Variants in CCDC125 observed in about 807,000 individuals in gnomAD.
CCDC125 encodes coiled-coil domain-containing protein 125.
A neutral mutation model predicts 57.4 loss-of-function variants in CCDC125; 43 were observed. The observed-to-expected ratio is 0.75, with a 90% CI of 0.59 to 0.97. The LOEUF (loss-of-function observed/expected upper bound fraction) is 0.97. Ranked by LOEUF, CCDC125 falls within the 50% of genes least tolerant of loss-of-function variation. The probability of loss-of-function intolerance (pLI) is 0.00; values close to 1 mark genes in which losing one functional copy is unlikely to be tolerated. For synonymous variants in CCDC125, 187 were observed against 195.2 expected (o/e 0.96, Z 0.35); for missense variants, 563 against 595.7 (o/e 0.95, Z 0.57).
chr5:69,299,885 GTC>G, intron 8 of CCDC125, 125 bp downstream of exon 8: 1 of 748,164 alleles, frequency 1.3e-6, no homozygotes. Flanking sequence ...GCCCAGGGGC[GTC>G]TCTCACTCCC....
chr5:69,320,794 T>TGTGTGCGTGTGTGTGCGTGTGC (rs1759909828), intron 1 of CCDC125, among the ~76,000 whole-genome samples: 1 of 152,000 alleles, frequency 6.6e-6, no homozygotes, highest in African/African-American at 2.4e-5. Flanking sequence ...GGGGTGTGTG[T>TGTGTGCGTGTGTGTGCGTGTGC]GTGTGTGTGT....
Position 69,282,670 on chromosome 5 carries a change from C to T in CCDC125, c.*59G>A. ...CAAGATGCAGCAAAATTTACAAAAT[C>T]ATTTTTCAAAGTATCTCGATATAAA... is the stretch of plus-strand genomic sequence containing the variant. On this transcript the variant is annotated 3_prime_UTR_variant, in exon 12 of 12. Transcript: ENST00000396496. The T allele has an allele frequency of 1.4e-6, 2 of 1,404,614 alleles. No individual in the cohort carries two copies. The highest frequency in any genetic ancestry group is 1.9e-6 in the Non-Finnish European group (2 of 1,045,236). 87.0% of individuals were successfully genotyped at this position (1,404,614 alleles called of 1,614,324 possible).
chr5:69,278,532 A>G (rs1215087265), downstream of CCDC125, among the ~76,000 whole-genome samples: 1 of 151,430 alleles, frequency 6.6e-6, no homozygotes, highest in Non-Finnish European at 1.5e-5. Flanking sequence ...CTTTATTTCT[A>G]TTTTTTCCTT....
chr5:69,308,284 A>G lies in CCDC125; in HGVS notation c.454-256T>C, dbSNP rs1561454495. The G allele has an allele frequency of 1.0e-5, 5 of 477,864 alleles. No individual in the cohort carries two copies. In the Admixed American group the frequency reaches 1.7e-4, roughly 16 times the overall value. 29.6% of individuals were successfully genotyped at this position (477,864 alleles called of 1,614,324 possible). A position where few individuals can be genotyped will look rare whatever the true frequency, so the allele number is the denominator to read the frequency against. ...AGTGTTCAGAACAGTACTATTCATCAGTCAAAAAGTGGAAACCATCTGATA... is the reference window on the plus strand; with the variant it reads ...AGTGTTCAGAACAGTACTATTCATCGGTCAAAAAGTGGAAACCATCTGATA... On this transcript the variant is annotated intron_variant, in intron 4 of 11. Coordinates refer to ENST00000396496, the MANE Select transcript of CCDC125 (RefSeq NM_176816.5).
At chr5:69,275,901 A>G (rs1235102032), downstream of CCDC125, among the ~76,000 whole-genome samples, 1 of 152,220 alleles carries the variant, frequency 6.6e-6, no homozygotes, top group African/African-American at 2.4e-5. Flanking sequence ...TCCATCCCCA[A>G]GGTACGTCAT....
chr5:69,283,152 G>T, intron 11 of CCDC125, 118 bp from the exon 12 acceptor site: 1 of 714,430 alleles, frequency 1.4e-6, no homozygotes, highest in Non-Finnish European at 2.2e-6. Flanking sequence ...ATACTGATCT[G>T]TCCATCAGTA....
intron 2 of CCDC125, among the ~76,000 whole-genome samples, chr5:69,315,682 C>T (rs1338070484): frequency 4.9e-5 from 7 of 142,772 alleles, no homozygotes; most frequent in African/African-American, 1.0e-4. Context: ...CGCTTGAACC[C>T]GGGAGTCAAA....
rs909259920 is a variant in CCDC125 at position 69,313,528 on chromosome 5, A to T, written c.366+457T>A. ...GGCGTCCTTGGAGCTGGCATTGATC[A>T]TTTTGCTCTTAAGGGGCACAGACTC... On this transcript the variant is annotated intron_variant, in intron 3 of 11. Transcript: ENST00000396496. 4.9e-6 allele frequency: 4 copies of T among 813,214 alleles called. No individual in the cohort carries two copies. The African/African-American group carries it at 5.0e-5, about 10-fold the overall frequency. The allele number at this position is 813,214 out of a possible 1,614,324, so 50.4% of individuals were successfully genotyped here.
Position 69,285,399 on chromosome 5 carries a change from T to G in CCDC125, c.1168A>C (p.Ser390Arg). 1.2e-6 allele frequency: 2 copies of G among 1,612,240 alleles called. No individual in the cohort carries two copies. Among genetic ancestry groups the G allele is most frequent in the Non-Finnish European group, 1.7e-6 (2 of 1,179,354 alleles). Residue 390 changes from serine to arginine, a missense_variant, in exon 11 of 12, where the codon AGT becomes CGT. Transcript: ENST00000396496. Reference sequence around the variant, plus strand: ...TCCTGGTCTTCCATCCTCTTAGAACTGTTTTCTGAAGGGAGCATACCCAAC... The same window carrying G: ...TCCTGGTCTTCCATCCTCTTAGAACGGTTTTCTGAAGGGAGCATACCCAAC... ...RLLGMLPSENSSKRMEDQDSP... is the reference protein window; with the variant it reads ...RLLGMLPSENRSKRMEDQDSP...
At position 69,306,861 on chromosome 5, in the gene CCDC125, A is replaced by G. The variant is rs1410805538; in HGVS notation, c.573T>C (p.Asn191=). The G allele has an allele frequency of 2.6e-6, 4 of 1,527,164 alleles. No individual in the cohort carries two copies. The highest frequency in any genetic ancestry group is 3.5e-6 in the Non-Finnish European group (4 of 1,142,286). 94.6% of individuals were successfully genotyped at this position (1,527,164 alleles called of 1,614,324 possible). Reference sequence around the variant, plus strand: ...AAGATTCCTCTATATTTTTAAATCTATTATGATCAAATTCTATTTCCCACT... The same window carrying G: ...AAGATTCCTCTATATTTTTAAATCTGTTATGATCAAATTCTATTTCCCACT... ...ALQWEIEFDH[N]RFKNIEESWI... is the part of the protein sequence containing the mutation. The change falls in exon 6 of 12, where the codon AAT becomes AAC. Residue 191 remains asparagine, a synonymous_variant. Coordinates refer to ENST00000396496, the MANE Select transcript of CCDC125 (RefSeq NM_176816.5).
intron 11 of CCDC125, among the ~76,000 whole-genome samples, chr5:69,283,713 C>G (rs1336315420): frequency 6.6e-6 from 1 of 151,796 alleles, no homozygotes; most frequent in Non-Finnish European, 1.5e-5. Context: ...GTCTCGAACT[C>G]CTGGCCTCAA....
chr5:69,328,580 A>T (rs1450673966), intron 1 of CCDC125, among the ~76,000 whole-genome samples: 1 of 152,194 alleles, frequency 6.6e-6, no homozygotes, highest in African/African-American at 2.4e-5. Flanking sequence ...AAACATAAAA[A>T]GCAGAATTCA....
chr5:69,312,950 G>A (rs1758397323), intron 3 of CCDC125, among the ~76,000 whole-genome samples: 1 of 152,136 alleles, frequency 6.6e-6, no homozygotes, highest in Admixed American at 6.5e-5. Flanking sequence ...CCAGCACAGG[G>A]AGGGGTCATC....
chr5:69,316,371 A>G (rs1286554149), intron 2 of CCDC125, among the ~76,000 whole-genome samples: 1 of 152,196 alleles, frequency 6.6e-6, no homozygotes, highest in East Asian at 1.9e-4. Flanking sequence ...GGAGACGAGA[A>G]GGTAAATGTT....
intron 3 of CCDC125, chr5:69,313,601 C>T (rs1758511484): frequency 1.4e-6 from 1 of 731,758 alleles, no homozygotes; most frequent in Non-Finnish European, 2.5e-6. Context: ...CTCTCTTGGT[C>T]TCATAGGTTG....
rs1757717692 is a variant in CCDC125 at position 69,308,736 on chromosome 5, G to C, written c.454-708C>G. On this transcript the variant is annotated intron_variant, in intron 4 of 11. Coordinates refer to ENST00000396496, the MANE Select transcript of CCDC125 (RefSeq NM_176816.5). ...GAAGCTACTTTGAAACTGGGTAACA[G>C]GCAGAGATTGGGACAGTTTGGAGGG... The C allele has an allele frequency of 1.8e-5, 3 of 168,544 alleles. No individual in the cohort carries two copies. In the South Asian group the frequency reaches 5.0e-4, roughly 28 times the overall value. The allele number at this position is 168,544 out of a possible 1,614,324, so 10.4% of individuals were successfully genotyped here. A position where few individuals can be genotyped will look rare whatever the true frequency, so the allele number is the denominator to read the frequency against.
intron 9 of CCDC125, 84 bp from the exon 10 acceptor site, chr5:69,292,446 A>G: frequency 1.0e-6 from 1 of 966,612 alleles, no homozygotes; most frequent in Non-Finnish European, 1.6e-6. Context: ...TAACATATGC[A>G]ATCTCACTGC....
chr5:69,294,717 T>C (rs1292687281), intron 9 of CCDC125, 76 bp downstream of exon 9: 9 of 1,095,710 alleles, frequency 8.2e-6, no homozygotes, highest in African/African-American at 1.6e-5. Context: ...AAGTTAATTA[T>C]TGCAAACATT....
At chr5:69,322,502 T>C (rs374862056) in intron 1 of CCDC125, among the ~76,000 whole-genome samples, 14 of 151,908 alleles carry the variant, frequency 9.2e-5, no homozygotes, top group African/African-American at 3.4e-4. Context: ...GGCTAGAGGA[T>C]TGCTTGAGCC....
Sources: gnomAD v4.1 joint callset for allele counts (sites outside exome capture counted in the v4.1 genomes callset) on GRCh38, gnomAD v4.1.1 for gene constraint, MANE v1.5 for transcripts, NCBI Gene and HGNC (gene_info 2026-07-23, HGNC 2026-07-21) for gene names.